The following SH3KBP1 variants were observed in gnomAD, a reference collection of about 807,000 sequenced individuals.
The protein encoded by SH3KBP1 is SH3 domain-containing kinase-binding protein 1.
In SH3KBP1, 8 loss-of-function variants were observed where a neutral mutation model predicts 50.1. The ratio of observed to expected loss-of-function variants is 0.16; its 90% CI spans 0.09 to 0.29. The LOEUF (loss-of-function observed/expected upper bound fraction) is 0.29, where lower values mean the gene tolerates loss of function less well. SH3KBP1 is among the 10% of genes least tolerant of loss of function. The pLI is 1.00. For missense variants in SH3KBP1, 377 were observed against 535.2 expected (o/e 0.70, Z 2.92); for synonymous variants, 227 against 218.6 (o/e 1.04, Z -0.34).
intron 2 of SH3KBP1, among the ~76,000 whole-genome samples, chrX:19,796,896 G>C (rs1249386045): frequency 8.9e-6 from 1 of 112,280 alleles, no homozygotes; most frequent in Non-Finnish European, 1.9e-5. Context: ...GATGCAGATG[G>C]GGAGGGGGCC....
At chrX:19,782,485 A>C (rs868275887) in intron 2 of SH3KBP1, among the ~76,000 whole-genome samples, 1 of 112,023 alleles carries the variant, frequency 8.9e-6, no homozygotes, top group South Asian at 3.8e-4. Flanking sequence ...CTCCACTCAG[A>C]TCCCAAGACA....
chrX:19,695,074 T>C, intron 5 of SH3KBP1: 1 of 1,172,126 alleles, frequency 8.5e-7, no homozygotes, highest in Non-Finnish European at 1.2e-6. Flanking sequence ...AGACCTGAAG[T>C]TCGTTGTCAC....
intron 1 of SH3KBP1, among the ~76,000 whole-genome samples, chrX:19,860,198 G>C (rs891000737): frequency 9.6e-6 from 1 of 103,982 alleles, no homozygotes; most frequent in African/African-American, 3.5e-5. Flanking sequence ...GAGCCCAGGA[G>C]TTCAAGACTG....
intron 7 of SH3KBP1, among the ~76,000 whole-genome samples, chrX:19,643,123 C>G (rs760934906): frequency 1.8e-5 from 2 of 108,702 alleles, no homozygotes; most frequent in East Asian, 5.8e-4. Flanking sequence ...TGGCCTGTTA[C>G]CTAAACATAG....
In SH3KBP1 at chrX:19,746,368, C is replaced by T. The variant is rs2064919729; in HGVS notation, c.236G>A (p.Ser79Asn). 1 of 1,206,680 alleles carries T rather than the reference C, an allele frequency of 8.3e-7. No individual in the cohort carries two copies. The highest frequency in any genetic ancestry group is 2.2e-5 in the Admixed American group (1 of 45,332). Residue 79 changes from serine to asparagine, a missense_variant, in exon 3 of 18, where the codon AGT becomes AAT. By Grantham distance (46) the Ser-to-Asn change is conservative (BLOSUM62 1). Coordinates refer to ENST00000397821, the MANE Select transcript of SH3KBP1 (RefSeq NM_031892.3). ...APEKPLHEVP[S>N]GNSLLSSETI... Reference sequence around the variant, plus strand: ...TTCAGAAGACAGCAAAGAGTTTCCACTGGGCACTTCGTGCAGGGGCTTTTC... The same window carrying T: ...TTCAGAAGACAGCAAAGAGTTTCCATTGGGCACTTCGTGCAGGGGCTTTTC...
At chrX:19,744,982 TTGCCG>T (rs2148816402) in intron 3 of SH3KBP1, among the ~76,000 whole-genome samples, 1 of 112,378 alleles carries the variant, frequency 8.9e-6, no homozygotes, top group Non-Finnish European at 1.9e-5. Context: ...ATGCGTGCAA[TTGCCG>T]TGCCCGCGGA....
intron 2 of SH3KBP1, among the ~76,000 whole-genome samples, chrX:19,770,116 G>A (rs918253753): frequency 1.8e-5 from 2 of 111,650 alleles, no homozygotes; most frequent in Admixed American, 1.9e-4. Flanking sequence ...AGTGTCATGA[G>A]GGTTTGTTGT....
At chrX:19,653,432 G>A (rs1188106743) in intron 6 of SH3KBP1, among the ~76,000 whole-genome samples, 1 of 110,994 alleles carries the variant, frequency 9.0e-6, no homozygotes, top group Non-Finnish European at 1.9e-5. Flanking sequence ...ATGCTTCTTG[G>A]CCAGGCACGG....
At chrX:19,802,187 G>A (rs765659803) in intron 2 of SH3KBP1, among the ~76,000 whole-genome samples, 1 of 110,681 alleles carries the variant, frequency 9.0e-6, no homozygotes, top group South Asian at 3.9e-4. Context: ...GAGGCCAGGA[G>A]TTCGAGACCA....
At chrX:19,803,024 T>G (rs1017611406) in intron 2 of SH3KBP1, among the ~76,000 whole-genome samples, 25 of 110,817 alleles carry the variant, frequency 2.3e-4, no homozygotes, top group African/African-American at 7.9e-4. Flanking sequence ...CTCCAGCGAC[T>G]TCAGACTCAG....
At chrX:19,639,977 T>C (rs2061813719) in intron 7 of SH3KBP1, among the ~76,000 whole-genome samples, 1 of 103,811 alleles carries the variant, frequency 9.6e-6, no homozygotes, top group Non-Finnish European at 2.0e-5. Flanking sequence ...ACTGAGTAAG[T>C]AGCAATCTGC....
chrX:19,569,701 T>C (rs7051531), intron 12 of SH3KBP1, among the ~76,000 whole-genome samples: 5,665 of 111,658 alleles, frequency 0.051, 368 homozygotes, highest in African/African-American at 0.17. Context: ...TGAATGCTGG[T>C]GCTGGGGCTC....
intron 3 of SH3KBP1, among the ~76,000 whole-genome samples, chrX:19,710,466 A>G (rs2063750400): frequency 8.9e-6 from 1 of 112,210 alleles, no homozygotes; most frequent in Admixed American, 9.4e-5. Context: ...GCATTACATC[A>G]TGTAGGCATT....
chrX:19,537,196 C>T (rs1237894946), intron 17 of SH3KBP1, among the ~76,000 whole-genome samples: 9 of 111,684 alleles, frequency 8.1e-5, no homozygotes, highest in Admixed American at 2.8e-4. Context: ...GTGGCTCACA[C>T]CTGTAATCCC....
At chrX:19,830,840 C>T (rs1237212149) in intron 2 of SH3KBP1, among the ~76,000 whole-genome samples, 1 of 111,240 alleles carries the variant, frequency 9.0e-6, no homozygotes, top group African/African-American at 3.3e-5. Context: ...TCCATATTTA[C>T]AATAAATAAA....
At chrX:19,677,026 A>G (rs1405693818) in intron 6 of SH3KBP1, among the ~76,000 whole-genome samples, 1 of 112,224 alleles carries the variant, frequency 8.9e-6, no homozygotes, top group African/African-American at 3.2e-5. Flanking sequence ...CAAACCATTC[A>G]GTTTAGAAAT....
chrX:19,869,116 C>T (rs914377220), intron 1 of SH3KBP1, among the ~76,000 whole-genome samples: 1 of 111,530 alleles, frequency 9.0e-6, no homozygotes, highest in Non-Finnish European at 1.9e-5. Context: ...CTAGAAGCTG[C>T]AAAAGGTAAG....
chrX:19,541,312 TCAACAA>T (rs777201600), intron 16 of SH3KBP1, among the ~76,000 whole-genome samples: 1 of 112,014 alleles, frequency 8.9e-6, no homozygotes, highest in Admixed American at 9.4e-5. Context: ...GTCTTTCTCC[TCAACAA>T]AGTGCTCCCT....
At chrX:19,620,314 T>C (rs748541675) in intron 8 of SH3KBP1, among the ~76,000 whole-genome samples, 2 of 112,013 alleles carry the variant, frequency 1.8e-5, no homozygotes, top group African/African-American at 3.2e-5. Context: ...GGCATAGACA[T>C]GATCATTTTG....
Sources: gnomAD v4.1 joint callset for allele counts (sites outside exome capture counted in the v4.1 genomes callset) on GRCh38, gnomAD v4.1.1 for gene constraint, MANE v1.5 for transcripts, NCBI Gene and HGNC (gene_info 2026-07-23, HGNC 2026-07-21) for gene names.